Variants in FCHSD2 observed in about 807,000 individuals in gnomAD.
FCHSD2 encodes the protein FCH and double SH3 domains 2.
In FCHSD2, 38 loss-of-function variants were observed where a neutral mutation model predicts 108.1. The ratio of observed to expected loss-of-function variants is 0.35; its 90% CI spans 0.27 to 0.46. FCHSD2 has a LOEUF of 0.46. Ranked by LOEUF, FCHSD2 falls within the 20% of genes least tolerant of loss-of-function variation. FCHSD2 has a pLI of 1.00. For missense variants in FCHSD2, 751 were observed against 897.8 expected, an observed-to-expected ratio of 0.84 and a Z score of 2.09; for synonymous variants, 279 against 314.7, an observed-to-expected ratio of 0.89 and a Z score of 1.20.
Position 72,864,785 on chromosome 11 carries a change from G to A in FCHSD2, c.1308+3080C>T, listed in dbSNP as rs369095812. 2.8e-4 allele frequency among the ~76,000 whole-genome samples: 43 copies of A among 152,282 alleles called. No homozygotes were observed. In the South Asian group the frequency reaches 8.1e-3, roughly 29 times the overall value. ...AAAAGTCAGGTTGTCATCTTGGTAT[G>A]GCTTTTGAATAAGAGAAGCAGGATG... On this transcript the variant is annotated intron_variant, in intron 13 of 19. Coordinates refer to ENST00000409418, the MANE Select transcript of FCHSD2 (RefSeq NM_014824.3).
chr11:72,936,234 T>A (rs536278733), intron 8 of FCHSD2, among the ~76,000 whole-genome samples: 41 of 152,250 alleles, frequency 2.7e-4, no homozygotes, highest in African/African-American at 9.4e-4. Context: ...ATTTCATCTA[T>A]CTCCCTTGTA....
intron 3 of FCHSD2, among the ~76,000 whole-genome samples, chr11:73,045,219 T>C (rs1198526125): frequency 6.6e-6 from 1 of 151,894 alleles, no homozygotes; most frequent in African/African-American, 2.4e-5. Context: ...CACAATGAGA[T>C]ACCATCTCAC....
chr11:73,123,476 T>C (rs1860782175), intron 2 of FCHSD2, among the ~76,000 whole-genome samples: 2 of 152,322 alleles, frequency 1.3e-5, no homozygotes, highest in South Asian at 4.2e-4. Flanking sequence ...TCCCAAAATC[T>C]ACCAACGCAG....
intron 13 of FCHSD2, among the ~76,000 whole-genome samples, chr11:72,851,705 T>C (rs1367916142): frequency 6.6e-6 from 1 of 151,962 alleles, no homozygotes; most frequent in Non-Finnish European, 1.5e-5. Flanking sequence ...ATTGTGCCAC[T>C]GCACTCCGGC....
chr11:72,943,801 T>A (rs187525312), intron 8 of FCHSD2, among the ~76,000 whole-genome samples: 1 of 152,340 alleles, frequency 6.6e-6, no homozygotes, highest in African/African-American at 2.4e-5. Flanking sequence ...GTTCATTAAC[T>A]ACAAGAAGTT....
At chr11:73,037,639 C>T (rs1858530181) in intron 3 of FCHSD2, among the ~76,000 whole-genome samples, 1 of 152,164 alleles carries the variant, frequency 6.6e-6, no homozygotes, top group Non-Finnish European at 1.5e-5. Flanking sequence ...AAACTTAGGG[C>T]CCATACTGAT....
At chr11:73,100,079 G>A (rs1393648060) in intron 2 of FCHSD2, among the ~76,000 whole-genome samples, 3 of 152,076 alleles carry the variant, frequency 2.0e-5, no homozygotes, top group African/African-American at 4.8e-5. Flanking sequence ...CAGCCCTTCC[G>A]CTTCCTACAG....
chr11:72,976,086 T>C (rs1312432445), intron 8 of FCHSD2, among the ~76,000 whole-genome samples: 1 of 152,224 alleles, frequency 6.6e-6, no homozygotes, highest in Non-Finnish European at 1.5e-5. Flanking sequence ...TTTGATGAAA[T>C]CAGTTATCTG....
chr11:72,960,147 G>A (rs562987496), intron 8 of FCHSD2, among the ~76,000 whole-genome samples: 12 of 152,254 alleles, frequency 7.9e-5, no homozygotes, highest in African/African-American at 2.9e-4. Flanking sequence ...GAGGCTTCTG[G>A]AAGCTTACAG....
At chr11:73,079,429 A>G (rs1389576104) in intron 3 of FCHSD2, among the ~76,000 whole-genome samples, 2 of 151,896 alleles carry the variant, frequency 1.3e-5, no homozygotes, top group Non-Finnish European at 2.9e-5. Context: ...CGAACTCCTG[A>G]TGTCGTGATC....
intron 3 of FCHSD2, among the ~76,000 whole-genome samples, chr11:73,061,397 C>T (rs938376022): frequency 3.9e-5 from 6 of 152,220 alleles, no homozygotes; most frequent in African/African-American, 1.4e-4. Context: ...AAACACCAAA[C>T]TAGCTGCAGG....
chr11:73,066,602 G>A (rs1859299085), intron 3 of FCHSD2, among the ~76,000 whole-genome samples: 1 of 151,800 alleles, frequency 6.6e-6, no homozygotes, highest in African/African-American at 2.4e-5. Context: ...CTGACAAAGG[G>A]CTAATATCCA....
At chr11:72,930,320 A>C (rs1391862324) in intron 8 of FCHSD2, among the ~76,000 whole-genome samples, 1 of 152,234 alleles carries the variant, frequency 6.6e-6, no homozygotes, top group Non-Finnish European at 1.5e-5. Context: ...CCAGCTCCTC[A>C]AAACTTTACT....
chr11:73,129,304 C>T (rs1220853059), intron 2 of FCHSD2, among the ~76,000 whole-genome samples: 1 of 152,192 alleles, frequency 6.6e-6, no homozygotes, highest in Non-Finnish European at 1.5e-5. Context: ...AGGCCACGGA[C>T]CACTAACGGT....
intron 3 of FCHSD2, among the ~76,000 whole-genome samples, chr11:73,076,946 TA>T (rs1336552064): frequency 6.6e-6 from 1 of 150,856 alleles, no homozygotes; most frequent in African/African-American, 2.5e-5. Context: ...CCGTCTCTAC[TA>T]AAAATACAAA....
intron 8 of FCHSD2, among the ~76,000 whole-genome samples, chr11:72,981,616 T>G (rs1398584367): frequency 6.6e-6 from 1 of 152,204 alleles, no homozygotes; most frequent in Non-Finnish European, 1.5e-5. Flanking sequence ...AAAATCATCT[T>G]TAGTAAATGT....
chr11:73,128,211 G>T (rs930686595), intron 2 of FCHSD2, among the ~76,000 whole-genome samples: 1 of 152,040 alleles, frequency 6.6e-6, no homozygotes, highest in Admixed American at 6.6e-5. Flanking sequence ...AATTTCTATG[G>T]AGTCTCTAAT....
chr11:73,003,579 C>T (rs1468595384), intron 4 of FCHSD2, among the ~76,000 whole-genome samples: 2 of 150,178 alleles, frequency 1.3e-5, no homozygotes, highest in African/African-American at 4.9e-5. Flanking sequence ...CTCCACCTCC[C>T]GGGTTCACGC....
At chr11:73,043,152 C>G (rs980868320) in intron 3 of FCHSD2, among the ~76,000 whole-genome samples, 2 of 152,202 alleles carry the variant, frequency 1.3e-5, no homozygotes, top group Admixed American at 6.5e-5. Flanking sequence ...GAAAGGCTTT[C>G]AGCCTTTCCC....
Sources: gnomAD v4.1 joint callset for allele counts (sites outside exome capture counted in the v4.1 genomes callset) on GRCh38, gnomAD v4.1.1 for gene constraint, MANE v1.5 for transcripts, NCBI Gene and HGNC (gene_info 2026-07-23, HGNC 2026-07-21) for gene names.